Variants in AGXT2 observed in about 807,000 individuals in gnomAD.
The protein encoded by AGXT2 is alanine--glyoxylate aminotransferase 2, mitochondrial.
AGXT2 carries 61 observed loss-of-function variants against 62.5 expected under a neutral mutation model. The observed-to-expected ratio is 0.98, with a 90% confidence interval of 0.79 to 1.21. The LOEUF (loss-of-function observed/expected upper bound fraction) is 1.21. Ranked by LOEUF, AGXT2 falls within the 50% of genes most tolerant of loss-of-function variation. The probability of loss-of-function intolerance (pLI) is 0.00; values close to 1 mark genes in which losing one functional copy is unlikely to be tolerated. For synonymous variants in AGXT2, 243 were observed against 218.7 expected, an observed-to-expected ratio of 1.11 and a Z score of -0.98; for missense variants, 666 against 641.5, an observed-to-expected ratio of 1.04 and a Z score of -0.41.
intron 4 of AGXT2, among the ~76,000 whole-genome samples, chr5:35,035,603 G>GGA (rs2112272883): frequency 6.3e-4 from 1 of 1,600 alleles, no homozygotes; most frequent in African/African-American, 8.5e-4. Flanking sequence ...AAATGCCAAG[G>GGA]GAGACTTGCT....
At chr5:35,019,784 G>A (rs1457841542) in intron 9 of AGXT2, among the ~76,000 whole-genome samples, 2 of 152,188 alleles carry the variant, frequency 1.3e-5, no homozygotes, top group East Asian at 3.9e-4. Flanking sequence ...GAATCCAGGA[G>A]CTGGTTTTCT....
intron 1 of AGXT2, among the ~76,000 whole-genome samples, chr5:35,045,772 T>C (rs1234089707): frequency 1.6e-5 from 2 of 123,002 alleles, no homozygotes; most frequent in African/African-American, 5.6e-5. Context: ...TTCTTTTTTT[T>C]TTTTTTTTTT....
At chr5:35,036,860 G>A in intron 4 of AGXT2, 82 bp downstream of exon 4, 2 of 1,598,220 alleles carry the variant, frequency 1.3e-6, no homozygotes, top group Non-Finnish European at 1.7e-6. Context: ...AGAATCATAA[G>A]ACTCCTGTCT....
intron 5 of AGXT2, 87 bp downstream of exon 5, chr5:35,035,135 C>G: frequency 8.6e-7 from 1 of 1,168,144 alleles, no homozygotes; most frequent in East Asian, 2.3e-5. Flanking sequence ...AAACCTCTCT[C>G]CCACTCCATG....
chr5:35,042,588 GA>G (rs888077036), intron 1 of AGXT2, among the ~76,000 whole-genome samples: 2 of 151,728 alleles, frequency 1.3e-5, no homozygotes, highest in Non-Finnish European at 2.9e-5. Context: ...TTATTTGCCA[GA>G]AAAAAAATGA....
At chr5:35,008,140 A>G (rs1766503370) in intron 12 of AGXT2, among the ~76,000 whole-genome samples, 1 of 152,190 alleles carries the variant, frequency 6.6e-6, no homozygotes, top group Non-Finnish European at 1.5e-5. Flanking sequence ...AGCCTCAGGT[A>G]TTCCTTTACA....
At position 35,032,776 on chromosome 5, in the gene AGXT2, C is replaced by G; in HGVS notation, c.725G>C (p.Arg242Pro). The G allele has an allele frequency of 4.3e-6, 7 of 1,609,798 alleles. No homozygotes were observed. The highest frequency in any genetic ancestry group is 5.9e-6 in the Non-Finnish European group (7 of 1,178,044). The change falls in exon 7 of 14, where the codon CGA (arginine) becomes CCA (proline). Residue 242 changes from arginine (R) to proline (P), a missense_variant. Coordinates refer to ENST00000231420, the MANE Select transcript of AGXT2 (RefSeq NM_031900.4). ...CCTGATTGTTTGCACTGGAGAATCT[C>G]GACAGTGGCTTCCTCCCCAAGGGCC... Reference protein sequence around the residue: ...FRGPWGGSHCRDSPVQTIRKC... With the variant: ...FRGPWGGSHCPDSPVQTIRKC...
At chr5:35,031,719 G>T (rs1434410453) in intron 7 of AGXT2, among the ~76,000 whole-genome samples, 2 of 152,168 alleles carry the variant, frequency 1.3e-5, no homozygotes, top group Non-Finnish European at 2.9e-5. Context: ...TGCCAGGGTT[G>T]TCAGCAGCCT....
At chr5:35,009,328 G>T (rs1580573383) in intron 12 of AGXT2, among the ~76,000 whole-genome samples, 1 of 152,096 alleles carries the variant, frequency 6.6e-6, no homozygotes, top group African/African-American at 2.4e-5. Flanking sequence ...AGGCTTGGTG[G>T]CTCATGCCTG....
At chr5:35,025,704 T>C in intron 9 of AGXT2, 59 bp downstream of exon 9, 1 of 1,551,366 alleles carries the variant, frequency 6.4e-7, no homozygotes, top group East Asian at 2.2e-5. Context: ...TTTAGGAGGT[T>C]TCTGTCTGTG....
At position 35,004,142 on chromosome 5, in the gene AGXT2, C is replaced by G. The variant is rs190038595; in HGVS notation, c.1339-281G>C. 4.2e-3 allele frequency among the ~76,000 whole-genome samples: 644 copies of G among 152,360 alleles called. 6 individuals are homozygous for G. The highest frequency in any genetic ancestry group is 5.1e-3 in the Non-Finnish European group (350 of 68,036). ...AGTTCTGTGCGGATAGCCAGTGAAT[C>G]TTAGCTTTGCTAATGGCTGCCTTGG... On this transcript the variant is annotated intron_variant, in intron 12 of 13. Coordinates refer to ENST00000231420, the MANE Select transcript of AGXT2 (RefSeq NM_031900.4).
chr5:35,014,246 G>A, intron 9 of AGXT2, 127 bp from the exon 10 acceptor site: 1 of 1,270,016 alleles, frequency 7.9e-7, no homozygotes, highest in East Asian at 2.5e-5. Context: ...GAGGTCAGGA[G>A]TTCAAGACCA....
At chr5:35,045,127 T>C (rs1192113371) in intron 1 of AGXT2, among the ~76,000 whole-genome samples, 4 of 152,242 alleles carry the variant, frequency 2.6e-5, no homozygotes, top group African/African-American at 9.6e-5. Context: ...ACTTTTGTAC[T>C]GAAAACAAAT....
chr5:35,035,164 C>T, intron 5 of AGXT2, 58 bp downstream of exon 5: 1 of 1,380,950 alleles, frequency 7.2e-7, no homozygotes, highest in Non-Finnish European at 1.0e-6. Flanking sequence ...TAAAGCTACA[C>T]ATTTAGAATG....
intron 13 of AGXT2, among the ~76,000 whole-genome samples, chr5:35,001,870 T>C (rs991882129): frequency 1.3e-5 from 2 of 152,186 alleles, no homozygotes; most frequent in Non-Finnish European, 2.9e-5. Context: ...TACTACATTA[T>C]ATTGTAATTT....
rs1766098830 is a variant in AGXT2, at chr5:34,998,146, G to GCCACC, written c.*572_*573insGGTGG. The GCCACC allele has an allele frequency of 6.3e-6, 1 of 158,524 alleles. No individual in the cohort carries two copies. Among genetic ancestry groups the GCCACC allele is most frequent in the African/African-American group, 2.4e-5 (1 of 41,476 alleles). 9.8% of individuals were successfully genotyped at this position (158,524 alleles called of 1,614,324 possible). A position where few individuals can be genotyped will look rare whatever the true frequency, so the allele number is the denominator to read the frequency against. ...TACCTCAAATATCAAGAGGCCCTGAGGTAGGGTGGCTCCAGGAATGCTTAA... is the reference window on the plus strand; with the variant it reads ...TACCTCAAATATCAAGAGGCCCTGAGCCACCGTAGGGTGGCTCCAGGAATGCTTAA... On this transcript the variant is annotated 3_prime_UTR_variant, in exon 14 of 14. Coordinates refer to ENST00000231420, the MANE Select transcript of AGXT2 (RefSeq NM_031900.4).
chr5:35,040,481 A>G (rs1767942329), intron 2 of AGXT2, 94 bp downstream of exon 2: 1 of 1,175,450 alleles, frequency 8.5e-7, no homozygotes, highest in Non-Finnish European at 1.3e-6. Context: ...AGTGGCAAGC[A>G]GGGCTATTTT....
intron 9 of AGXT2, among the ~76,000 whole-genome samples, chr5:35,022,016 A>T (rs1767116949): frequency 6.6e-6 from 1 of 152,180 alleles, no homozygotes; most frequent in Admixed American, 6.5e-5. Context: ...AATCAAAACC[A>T]CAATGAGATA....
At chr5:35,038,592 G>T (rs189172435) in intron 3 of AGXT2, among the ~76,000 whole-genome samples, 7 of 152,194 alleles carry the variant, frequency 4.6e-5, no homozygotes, top group Admixed American at 2.0e-4. Flanking sequence ...CTGCCTGAGG[G>T]GGGGGACTCT....
Sources: allele counts gnomAD v4.1 joint callset (sites outside exome capture counted in the v4.1 genomes callset), GRCh38; gene constraint gnomAD v4.1.1; transcripts MANE v1.5; gene names NCBI Gene and HGNC (gene_info 2026-07-23, HGNC 2026-07-21).